CACNG2: variants seen among roughly 807,000 people sequenced by gnomAD.
CACNG2 encodes the protein calcium voltage-gated channel auxiliary subunit gamma 2.
In CACNG2, 3 loss-of-function variants were observed where a neutral mutation model predicts 25.9. The observed-to-expected ratio is 0.12, with a 90% confidence interval of 0.05 to 0.30. CACNG2 has a LOEUF of 0.30. Ranked by LOEUF, CACNG2 falls within the 10% of genes least tolerant of loss-of-function variation. The probability of loss-of-function intolerance (pLI) is 1.00; values close to 1 mark genes in which losing one functional copy is unlikely to be tolerated. For synonymous variants in CACNG2, 167 were observed against 173.3 expected (o/e 0.96, Z 0.29); for missense variants, 341 against 432.5 (o/e 0.79, Z 1.88).
intron 1 of CACNG2, among the ~76,000 whole-genome samples, chr22:36,617,584 A>G (rs902063571): frequency 8.0e-5 from 12 of 149,938 alleles, no homozygotes; most frequent in Non-Finnish European, 1.5e-4. Flanking sequence ...TAGGCTTATT[A>G]TAAGTTTAAA....
At chr22:36,660,356 T>C (rs754304413) in intron 1 of CACNG2, among the ~76,000 whole-genome samples, 3 of 152,376 alleles carry the variant, frequency 2.0e-5, no homozygotes, top group Middle Eastern at 3.4e-3. Context: ...TGCGGGCTGC[T>C]CACCCGGCTT....
intron 2 of CACNG2, among the ~76,000 whole-genome samples, chr22:36,580,560 G>C (rs868541308): frequency 3.3e-5 from 5 of 152,122 alleles, no homozygotes; most frequent in Admixed American, 1.3e-4. Flanking sequence ...TGTGTGGCCT[G>C]TGTCACACCC....
chr22:36,703,210 G>T lies in CACNG2; in HGVS notation c.-634C>A. 6.3e-6 allele frequency: 1 copy of T among 159,250 alleles called. No individual in the cohort carries two copies. Among genetic ancestry groups the T allele is most frequent in the South Asian group, 1.6e-4 (1 of 6,104 alleles). The allele number at this position is 159,250 out of a possible 1,614,324, so 9.9% of individuals were successfully genotyped here. On this transcript the variant is annotated 5_prime_UTR_variant, in exon 1 of 4. Transcript: ENST00000300105. Reference sequence around the variant, plus strand: ...TGAGCTCAGCTGCACAGGTGCGGGGGTCTCGCTTTCCATGGTTTTGCCCGG... The same window carrying T: ...TGAGCTCAGCTGCACAGGTGCGGGGTTCTCGCTTTCCATGGTTTTGCCCGG...
intron 1 of CACNG2, among the ~76,000 whole-genome samples, chr22:36,680,586 C>T (rs77991053): frequency 1.3e-5 from 2 of 148,200 alleles, no homozygotes; most frequent in Non-Finnish European, 3.0e-5. Context: ...TTCATGATCA[C>T]CACCACCTGC....
chr22:36,651,224 CTTTTTTTTT>C (rs11411019), intron 1 of CACNG2, among the ~76,000 whole-genome samples: 1 of 83,112 alleles, frequency 1.2e-5, no homozygotes, highest in Non-Finnish European at 2.2e-5. Context: ...CTTCTTCCTC[CTTTTTTTTT>C]TTTTTTTTTT....
intron 1 of CACNG2, among the ~76,000 whole-genome samples, chr22:36,662,641 C>A (rs1246194499): frequency 1.3e-5 from 2 of 152,212 alleles, no homozygotes; most frequent in African/African-American, 4.8e-5. Flanking sequence ...CCCTCCTAAG[C>A]ACTATCGGTA....
At chr22:36,586,469 G>C (rs1329354568) in intron 2 of CACNG2, among the ~76,000 whole-genome samples, 1 of 152,208 alleles carries the variant, frequency 6.6e-6, no homozygotes, top group African/African-American at 2.4e-5. Context: ...CAGCTGCCTG[G>C]CTGACTTTAC....
chr22:36,695,356 A>G (rs1937323955), intron 1 of CACNG2, among the ~76,000 whole-genome samples: 1 of 152,198 alleles, frequency 6.6e-6, no homozygotes. Flanking sequence ...ACCCAAGGTC[A>G]CACAGCTTAT....
At chr22:36,632,533 T>C (rs1050353292) in intron 1 of CACNG2, among the ~76,000 whole-genome samples, 2 of 150,802 alleles carry the variant, frequency 1.3e-5, no homozygotes, top group Non-Finnish European at 3.0e-5. Flanking sequence ...CTCTCTCCCA[T>C]TAGTATTTCA....
intron 1 of CACNG2, among the ~76,000 whole-genome samples, chr22:36,662,118 A>G (rs1032517370): frequency 1.3e-5 from 2 of 151,664 alleles, no homozygotes; most frequent in African/African-American, 2.4e-5. Context: ...AGCTGGGATT[A>G]TAGGCACACA....
chr22:36,581,143 G>A (rs1935411020), intron 2 of CACNG2, among the ~76,000 whole-genome samples: 1 of 152,176 alleles, frequency 6.6e-6, no homozygotes, highest in African/African-American at 2.4e-5. Flanking sequence ...ACATTCGATG[G>A]GCCCACAGCG....
intron 2 of CACNG2, among the ~76,000 whole-genome samples, chr22:36,576,207 A>G (rs1183150234): frequency 6.6e-6 from 1 of 152,236 alleles, no homozygotes; most frequent in Non-Finnish European, 1.5e-5. Context: ...ATAAAAAGGA[A>G]TGACTAATGG....
intron 1 of CACNG2, among the ~76,000 whole-genome samples, chr22:36,652,177 T>C (rs988137856): frequency 5.3e-5 from 8 of 152,094 alleles, no homozygotes; most frequent in Non-Finnish European, 1.0e-4. Flanking sequence ...GTTTCTTAAA[T>C]AGATGTTGAA....
intron 1 of CACNG2, among the ~76,000 whole-genome samples, chr22:36,653,158 C>A (rs1379321233): frequency 6.6e-6 from 1 of 152,024 alleles, no homozygotes; most frequent in African/African-American, 2.4e-5. Context: ...CTCGTCTCTA[C>A]TAAAAATACA....
At chr22:36,605,684 T>G (rs1440060013) in intron 1 of CACNG2, among the ~76,000 whole-genome samples, 1 of 152,238 alleles carries the variant, frequency 6.6e-6, no homozygotes, top group African/African-American at 2.4e-5. Context: ...CTCAGCACAG[T>G]GGCTGTCACC....
intron 1 of CACNG2, among the ~76,000 whole-genome samples, chr22:36,679,197 C>CCTTCCTTCCTTCCTTCCTTTCTTT (rs1491420417): frequency 3.6e-5 from 2 of 54,830 alleles, no homozygotes; most frequent in African/African-American, 6.9e-5. Flanking sequence ...TTCCTTCCTT[C>CCTTCCTTCCTTCCTTCCTTTCTTT]CTTTCTTTCT....
chr22:36,593,890 A>C (rs1204309993), intron 1 of CACNG2, among the ~76,000 whole-genome samples: 1 of 151,514 alleles, frequency 6.6e-6, no homozygotes, highest in African/African-American at 2.4e-5. Flanking sequence ...ATAGGAGGGG[A>C]GGGGGCACTA....
chr22:36,632,347 T>C (rs1936284870), intron 1 of CACNG2, among the ~76,000 whole-genome samples: 1 of 151,946 alleles, frequency 6.6e-6, no homozygotes, highest in South Asian at 2.1e-4. Flanking sequence ...GCCTCATTTG[T>C]AAAAAGGAAA....
rs535692801 is a variant in CACNG2, at chr22:36,681,071, C to T, written c.211+21295G>A. Among the ~76,000 whole-genome samples, 17 of 152,264 alleles carry T rather than the reference C, an allele frequency of 1.1e-4. No homozygotes were observed. The East Asian group carries it at 2.1e-3, about 19-fold the overall frequency. On this transcript the variant is annotated intron_variant, in intron 1 of 3. Coordinates refer to ENST00000300105, the MANE Select transcript of CACNG2 (RefSeq NM_006078.5). ...ATTCTAAGAATTTGTATCTTTTTCACGAGTAAGTTAGAAGCTAAAGATCTA... is the reference window on the plus strand; with the variant it reads ...ATTCTAAGAATTTGTATCTTTTTCATGAGTAAGTTAGAAGCTAAAGATCTA...
Sources: gnomAD v4.1 joint callset for allele counts (sites outside exome capture counted in the v4.1 genomes callset) on GRCh38, gnomAD v4.1.1 for gene constraint, MANE v1.5 for transcripts, NCBI Gene and HGNC (gene_info 2026-07-23, HGNC 2026-07-21) for gene names.